Variants in NKAIN2 observed in about 807,000 individuals in gnomAD.
NKAIN2 encodes the protein sodium/potassium transporting ATPase interacting 2, also known as sodium/potassium-transporting ATPase subunit beta-1-interacting protein 2.
NKAIN2 carries 14 observed loss-of-function variants against 32.6 expected under a neutral mutation model. The ratio of observed to expected loss-of-function variants is 0.43; its 90% CI spans 0.28 to 0.67. NKAIN2 has a LOEUF of 0.67. Ranked by LOEUF, NKAIN2 falls within the 30% of genes least tolerant of loss-of-function variation. The pLI is 0.17. For missense variants in NKAIN2, 198 were observed against 258.3 expected (o/e 0.77, Z 1.60); for synonymous variants, 80 against 87.2 (o/e 0.92, Z 0.46).
chr6:124,419,854 A>T (rs534098209), intron 3 of NKAIN2, among the ~76,000 whole-genome samples: 2 of 152,206 alleles, frequency 1.3e-5, no homozygotes, highest in South Asian at 4.1e-4. Flanking sequence ...TGTAGTTATA[A>T]TATCTTTAAC....
chr6:124,246,994 C>A (rs998142469), intron 1 of NKAIN2, among the ~76,000 whole-genome samples: 13 of 151,942 alleles, frequency 8.6e-5, no homozygotes, highest in African/African-American at 2.4e-4. Flanking sequence ...GCCTTTTTCA[C>A]CTTCCTGAGG....
chr6:124,638,887 C>CCAA (rs1213579022), intron 3 of NKAIN2, among the ~76,000 whole-genome samples: 2 of 82,632 alleles, frequency 2.4e-5, no homozygotes, highest in African/African-American at 5.2e-5. Context: ...GAGACTCTGT[C>CCAA]AAAAAAAAAA....
At chr6:124,345,078 C>G (rs977420754) in intron 2 of NKAIN2, among the ~76,000 whole-genome samples, 1 of 152,130 alleles carries the variant, frequency 6.6e-6, no homozygotes, top group South Asian at 2.1e-4. Flanking sequence ...TTTTCTGCAT[C>G]TATTGAGATA....
At chr6:123,868,059 A>G (rs2318063) in intron 1 of NKAIN2, among the ~76,000 whole-genome samples, 35,780 of 151,736 alleles carry the variant, frequency 0.24, 5,484 homozygotes, top group East Asian at 0.62. Flanking sequence ...TAGTAGAGAC[A>G]GGGTTTCACT....
intron 1 of NKAIN2, among the ~76,000 whole-genome samples, chr6:124,103,180 G>C (rs948706331): frequency 2.6e-5 from 4 of 152,100 alleles, no homozygotes; most frequent in Non-Finnish European, 4.4e-5. Context: ...CAGATATTTA[G>C]ACAGACTGAA....
At chr6:124,100,381 A>AT (rs1490230536) in intron 1 of NKAIN2, among the ~76,000 whole-genome samples, 2 of 152,172 alleles carry the variant, frequency 1.3e-5, no homozygotes, top group African/African-American at 4.8e-5. Flanking sequence ...CACAGATATG[A>AT]TTTTTCTTTC....
chr6:124,808,660 A>G (rs1582561183), intron 5 of NKAIN2, among the ~76,000 whole-genome samples: 1 of 152,212 alleles, frequency 6.6e-6, no homozygotes, highest in Admixed American at 6.5e-5. Context: ...AAGGAAATAA[A>G]GGGTATTCAA....
chr6:124,238,827 C>A (rs996254829), intron 1 of NKAIN2, among the ~76,000 whole-genome samples: 2 of 152,142 alleles, frequency 1.3e-5, no homozygotes, highest in Non-Finnish European at 2.9e-5. Context: ...CAAAAATATA[C>A]CAAATTGTAA....
intron 3 of NKAIN2, among the ~76,000 whole-genome samples, chr6:124,598,051 T>C (rs1471940025): frequency 6.6e-6 from 1 of 152,168 alleles, no homozygotes; most frequent in Admixed American, 6.6e-5. Context: ...TGAAGCTGTC[T>C]AACCTTTTCC....
intron 1 of NKAIN2, among the ~76,000 whole-genome samples, chr6:124,206,769 G>A (rs928050977): frequency 5.3e-5 from 8 of 151,638 alleles, no homozygotes; most frequent in Admixed American, 4.0e-4. Flanking sequence ...TACTTAGTTC[G>A]TATTTCTTTT....
At chr6:124,221,685 T>G (rs1241367311) in intron 1 of NKAIN2, among the ~76,000 whole-genome samples, 1 of 152,130 alleles carries the variant, frequency 6.6e-6, no homozygotes, top group Non-Finnish European at 1.5e-5. Flanking sequence ...GAGCTCAGAA[T>G]TTCATGAACC....
intron 5 of NKAIN2, among the ~76,000 whole-genome samples, chr6:124,793,968 T>C (rs2475859): frequency 0.89 from 134,655 of 152,104 alleles, 60,812 homozygotes; most frequent in East Asian, 1. Flanking sequence ...AGAGAGAGAG[T>C]GGAACCTTTA....
At chr6:124,701,910 T>C (rs1024365418) in intron 4 of NKAIN2, among the ~76,000 whole-genome samples, 7 of 152,084 alleles carry the variant, frequency 4.6e-5, no homozygotes, top group Non-Finnish European at 8.8e-5. Flanking sequence ...AGAGTAAGAT[T>C]AGTCCTGTCC....
At chr6:124,047,283 T>C (rs2114823942) in intron 1 of NKAIN2, among the ~76,000 whole-genome samples, 1 of 152,114 alleles carries the variant, frequency 6.6e-6, no homozygotes, top group East Asian at 1.9e-4. Context: ...TAAAAACAGG[T>C]TGTATTTGCC....
intron 1 of NKAIN2, among the ~76,000 whole-genome samples, chr6:124,005,181 C>T (rs1183968376): frequency 6.6e-5 from 10 of 152,030 alleles, no homozygotes; most frequent in African/African-American, 2.2e-4. Context: ...GCCGAGATCT[C>T]GCCATTGTAC....
intron 1 of NKAIN2, among the ~76,000 whole-genome samples, chr6:123,894,147 TTA>T (rs1774161230): frequency 6.6e-6 from 1 of 152,222 alleles, no homozygotes; most frequent in African/African-American, 2.4e-5. Context: ...TTCAGTTTTT[TTA>T]TGTTTTTCAG....
chr6:124,740,436 A>G (rs886265719), intron 4 of NKAIN2, among the ~76,000 whole-genome samples: 1 of 118,644 alleles, frequency 8.4e-6, no homozygotes, highest in African/African-American at 3.2e-5. Context: ...ATATATATAT[A>G]CACATATACA....
At chr6:124,713,142 A>T (rs568427397) in intron 4 of NKAIN2, among the ~76,000 whole-genome samples, 1 of 152,254 alleles carries the variant, frequency 6.6e-6, no homozygotes, top group African/African-American at 2.4e-5. Flanking sequence ...AACTTTACAT[A>T]ACTCATTAAT....
rs115826774 is a variant in NKAIN2 at position 123,915,093 on chromosome 6, G to T, written c.54+110839G>T. On this transcript the variant is annotated intron_variant, in intron 1 of 6. Transcript: ENST00000368417. ...TCACAGCTTCTCGAAGAGGTGTCCA[G>T]CTCAGGTTAGGAGATATAATTGGAG... Among the ~76,000 whole-genome samples the T allele has an allele frequency of 8.1e-3, 1,233 of 152,278 alleles. 15 individuals carry two copies. The highest frequency in any genetic ancestry group is 0.028 in the African/African-American group (1,151 of 41,550).
Sources: allele counts gnomAD v4.1 joint callset (sites outside exome capture counted in the v4.1 genomes callset), GRCh38; gene constraint gnomAD v4.1.1; transcripts MANE v1.5; gene names NCBI Gene and HGNC (gene_info 2026-07-23, HGNC 2026-07-21).